The following CEP112 variants were observed in gnomAD, a reference collection of about 807,000 sequenced individuals.
The protein encoded by CEP112 is centrosomal protein 112, also known as centrosomal protein of 112 kDa.
A neutral mutation model predicts 153.0 loss-of-function variants in CEP112; 127 were observed. That is an observed-to-expected ratio of 0.83 (90% CI 0.72 to 0.96). The LOEUF (loss-of-function observed/expected upper bound fraction) is 0.96, where lower values mean the gene tolerates loss of function less well. Ranked by LOEUF, CEP112 falls within the 40% of genes least tolerant of loss-of-function variation. CEP112 has a pLI of 0.00. For missense variants in CEP112, 1,089 were observed against 1,101.2 expected (o/e 0.99, Z 0.16); for synonymous variants, 358 against 374.4 (o/e 0.96, Z 0.51).
intron 19 of CEP112, among the ~76,000 whole-genome samples, chr17:65,919,247 A>G (rs1248244181): frequency 6.6e-6 from 1 of 152,190 alleles, no homozygotes; most frequent in Non-Finnish European, 1.5e-5. Context: ...CCTCAATAGT[A>G]AAACTACGTT....
rs1451051551 is a variant in CEP112 at position 66,147,954 on chromosome 17, GT to G, written c.471-15192del. Among the ~76,000 whole-genome samples, 7 of 151,858 alleles carry G rather than the reference GT, an allele frequency of 4.6e-5. No homozygotes were observed. In the South Asian group the frequency reaches 1.5e-3, roughly 32 times the overall value. ...CAGGAAATGTAAGACCTCCAACTTC[GT>G]TTTTTTTCTAAATTTGTTTTAGCTA... is the stretch of plus-strand genomic sequence containing the variant. On this transcript the variant is annotated intron_variant, in intron 4 of 26. Coordinates refer to ENST00000535342, the MANE Select transcript of CEP112 (RefSeq NM_001199165.4).
At chr17:66,020,323 TA>T (rs1280175678) in intron 16 of CEP112, among the ~76,000 whole-genome samples, 1 of 138,874 alleles carries the variant, frequency 7.2e-6, no homozygotes, top group African/African-American at 2.5e-5. Flanking sequence ...ACTGCAACAA[TA>T]AGGAAATTTA....
At chr17:65,971,225 TTACATACGTGCAAAACATG>T (rs1568318432) in intron 17 of CEP112, among the ~76,000 whole-genome samples, 2 of 152,190 alleles carry the variant, frequency 1.3e-5, no homozygotes, top group African/African-American at 2.4e-5. Context: ...CACATGTATA[TTACATACGTGCAAAACATG>T]CACATCAAAT....
At position 65,884,804 on chromosome 17, in the gene CEP112, G is replaced by A. The variant is rs79808696; in HGVS notation, c.2163+17348C>T. ...GCCATCTCAGCTCACCACAACCTCC[G>A]CCTCCTGGGTTCAAGCAATTCTCCT... is the stretch of plus-strand genomic sequence containing the variant. On this transcript the variant is annotated intron_variant, in intron 20 of 26. Transcript: ENST00000535342. 2.1e-5 allele frequency among the ~76,000 whole-genome samples: 3 copies of A among 140,606 alleles called. No individual in the cohort carries two copies. In the East Asian group the frequency reaches 6.8e-4, roughly 32 times the overall value. The allele number at this position is 140,606 out of a possible 152,430, so 92.2% of individuals were successfully genotyped here.
intron 21 of CEP112, among the ~76,000 whole-genome samples, chr17:65,796,650 C>T (rs2145778815): frequency 6.6e-6 from 1 of 152,172 alleles, no homozygotes; most frequent in South Asian, 2.1e-4. Context: ...GCCTCAAACA[C>T]CTCATACAGT....
At chr17:66,139,743 T>C (rs1330961516) in intron 4 of CEP112, among the ~76,000 whole-genome samples, 4 of 152,088 alleles carry the variant, frequency 2.6e-5, no homozygotes, top group Non-Finnish European at 5.9e-5. Flanking sequence ...TCATGAAGAA[T>C]AGAAAATATG....
At chr17:65,859,040 C>T (rs1476060283) in intron 20 of CEP112, among the ~76,000 whole-genome samples, 3 of 152,186 alleles carry the variant, frequency 2.0e-5, no homozygotes, top group Non-Finnish European at 1.5e-5. Flanking sequence ...ATTCAAAGTG[C>T]TTTTAATTTT....
At chr17:66,075,834 A>G (rs939477868) in intron 8 of CEP112, among the ~76,000 whole-genome samples, 1 of 152,220 alleles carries the variant, frequency 6.6e-6, no homozygotes, top group African/African-American at 2.4e-5. Flanking sequence ...CTCTGAAGGA[A>G]GAGGACTGCT....
intron 19 of CEP112, among the ~76,000 whole-genome samples, chr17:65,903,652 C>T (rs1023062322): frequency 1.3e-5 from 2 of 152,090 alleles, no homozygotes; most frequent in Admixed American, 6.6e-5. Flanking sequence ...CTGGCAGAGA[C>T]ACGACAAGAA....
rs1356465178 is a variant in CEP112, at chr17:65,744,089, A to G, written c.2458-872T>C. 5.3e-5 allele frequency among the ~76,000 whole-genome samples: 8 copies of G among 151,980 alleles called. No individual in the cohort carries two copies. In the East Asian group the frequency reaches 1.6e-3, roughly 30 times the overall value. On this transcript the variant is annotated intron_variant, in intron 22 of 26. Coordinates refer to ENST00000535342, the MANE Select transcript of CEP112 (RefSeq NM_001199165.4). ...GCCTATCTTTTATAAATGAGGAAACAGAGGCACAGAAAGAGGACAAATACC... is the reference window on the plus strand; with the variant it reads ...GCCTATCTTTTATAAATGAGGAAACGGAGGCACAGAAAGAGGACAAATACC...
intron 4 of CEP112, among the ~76,000 whole-genome samples, chr17:66,153,546 T>G (rs1288309442): frequency 6.6e-6 from 1 of 151,986 alleles, no homozygotes; most frequent in Non-Finnish European, 1.5e-5. Context: ...TCAATTCTTC[T>G]TAATTTATCT....
chr17:66,116,123 ATG>A (rs1397933458), intron 6 of CEP112, among the ~76,000 whole-genome samples: 1 of 152,226 alleles, frequency 6.6e-6, no homozygotes, highest in African/African-American at 2.4e-5. Flanking sequence ...AGGGTAAGTA[ATG>A]AAAAAGTATT....
chr17:65,965,683 G>GA (rs2062388948), intron 17 of CEP112, among the ~76,000 whole-genome samples: 1 of 151,772 alleles, frequency 6.6e-6, no homozygotes, highest in Non-Finnish European at 1.5e-5. Flanking sequence ...CACCACCCCT[G>GA]GCTAATTTTT....
chr17:66,042,368 T>C (rs1443086346), intron 12 of CEP112, among the ~76,000 whole-genome samples: 2 of 151,836 alleles, frequency 1.3e-5, no homozygotes, highest in African/African-American at 4.8e-5. Context: ...AATAATAAAA[T>C]AATAATAATA....
At chr17:66,148,784 C>G (rs1317930822) in intron 4 of CEP112, among the ~76,000 whole-genome samples, 1 of 152,058 alleles carries the variant, frequency 6.6e-6, no homozygotes, top group Non-Finnish European at 1.5e-5. Context: ...CATATAAGAT[C>G]ATGTCTGTGA....
At chr17:65,977,582 G>A (rs1488939946) in intron 17 of CEP112, among the ~76,000 whole-genome samples, 1 of 152,158 alleles carries the variant, frequency 6.6e-6, no homozygotes, top group Non-Finnish European at 1.5e-5. Flanking sequence ...TGGTCCTATG[G>A]CAGAGAACAT....
intron 20 of CEP112, among the ~76,000 whole-genome samples, chr17:65,896,443 C>T (rs1022930824): frequency 9.2e-5 from 14 of 151,968 alleles, no homozygotes; most frequent in African/African-American, 3.1e-4. Flanking sequence ...GTGACCTACA[C>T]AAAATGTAAG....
chr17:65,979,241 T>G (rs1340339024), intron 17 of CEP112, among the ~76,000 whole-genome samples: 1 of 152,014 alleles, frequency 6.6e-6, no homozygotes, highest in Admixed American at 6.6e-5. Context: ...TAATTTTATT[T>G]ATTTATTTAT....
At chr17:65,655,503 A>T (rs1464967837) in intron 24 of CEP112, 26 of 637,254 alleles carry the variant, frequency 4.1e-5, no homozygotes, top group Non-Finnish European at 6.5e-5. Context: ...ATACATGTTG[A>T]CTTTATTTTG....
Sources: gnomAD v4.1 joint callset for allele counts (sites outside exome capture counted in the v4.1 genomes callset) on GRCh38, gnomAD v4.1.1 for gene constraint, MANE v1.5 for transcripts, NCBI Gene and HGNC (gene_info 2026-07-23, HGNC 2026-07-21) for gene names.